OTUD7B: variants seen among roughly 807,000 people sequenced by gnomAD.
OTUD7B encodes the protein OTU domain-containing protein 7B.
OTUD7B carries 34 observed loss-of-function variants against 82.2 expected under a neutral mutation model. The ratio of observed to expected loss-of-function variants is 0.41; its 90% CI spans 0.31 to 0.55. The LOEUF is 0.55. Ranked by LOEUF, OTUD7B falls within the 20% of genes least tolerant of loss-of-function variation. The pLI, the probability that OTUD7B is intolerant of heterozygous loss-of-function variation, is 0.20. For synonymous variants in OTUD7B, 398 were observed against 402.7 expected (o/e 0.99, Z 0.14); for missense variants, 944 against 1,062.1 (o/e 0.89, Z 1.55).
chr1:149,942,620 A>G lies in OTUD7B; in HGVS notation c.*1237T>C, dbSNP rs1403885660. 3 of 152,618 alleles carry G rather than the reference A, an allele frequency of 2.0e-5. No homozygotes were observed. The highest frequency in any genetic ancestry group is 2.9e-5 in the Non-Finnish European group (2 of 68,050). 9.5% of individuals were successfully genotyped at this position (152,618 alleles called of 1,614,324 possible). A position where few individuals can be genotyped will look rare whatever the true frequency, so the allele number is the denominator to read the frequency against. On this transcript the variant is annotated 3_prime_UTR_variant, in exon 12 of 12. Transcript: ENST00000581312. ...ATAAATTGCCCCTATATGTTTCAAC[A>G]TCAGTCCTAATATCAAAAATATCTC...
At chr1:150,009,701 T>C (rs1652898843) in intron 1 of OTUD7B, among the ~76,000 whole-genome samples, 1 of 152,132 alleles carries the variant, frequency 6.6e-6, no homozygotes, top group Non-Finnish European at 1.5e-5. Flanking sequence ...AAAGAGACTC[T>C]GAGCGCTGGT....
chr1:149,992,416 C>T (rs1651632024), intron 1 of OTUD7B, among the ~76,000 whole-genome samples: 1 of 149,644 alleles, frequency 6.7e-6, no homozygotes, highest in African/African-American at 2.5e-5. Context: ...AGCTACTTAT[C>T]ATACACCATC....
chr1:149,988,537 A>G (rs1053672446), intron 1 of OTUD7B, among the ~76,000 whole-genome samples: 1 of 152,184 alleles, frequency 6.6e-6, no homozygotes, highest in Non-Finnish European at 1.5e-5. Context: ...AGGCTCCTTA[A>G]ATTACAGTTA....
chr1:149,960,768 A>G (rs1449198503), intron 6 of OTUD7B, among the ~76,000 whole-genome samples: 1 of 151,884 alleles, frequency 6.6e-6, no homozygotes, highest in African/African-American at 2.4e-5. Flanking sequence ...CTGTAAAGTC[A>G]AAATAGAACT....
the OTUD7B span, among the ~76,000 whole-genome samples, chr1:150,049,801 G>C: frequency 6.6e-6 from 1 of 151,950 alleles, no homozygotes; most frequent in Non-Finnish European, 1.5e-5. Flanking sequence ...GCTCAGGCTG[G>C]TCTTGAACTA....
chr1:150,058,690 A>G, the OTUD7B span, among the ~76,000 whole-genome samples: 2 of 152,336 alleles, frequency 1.3e-5, no homozygotes, highest in South Asian at 4.1e-4. Context: ...TTTGATCAAC[A>G]TTTCCCAAAC....
At chr1:149,985,746 G>GAA (rs141800132) in intron 1 of OTUD7B, among the ~76,000 whole-genome samples, 3,627 of 145,312 alleles carry the variant, frequency 0.025, 109 homozygotes, top group African/African-American at 0.07. Flanking sequence ...GACCCTGTAT[G>GAA]AAAAAAAAAA....
At chr1:150,060,336 G>A in the OTUD7B span, among the ~76,000 whole-genome samples, 1 of 152,106 alleles carries the variant, frequency 6.6e-6, no homozygotes, top group African/African-American at 2.4e-5. Flanking sequence ...AGGTCATTAG[G>A]GTGGGCCCTA....
intron 10 of OTUD7B, among the ~76,000 whole-genome samples, 191 bp downstream of exon 10, chr1:149,948,778 A>C (rs1393399814): frequency 3.3e-5 from 5 of 152,166 alleles, no homozygotes; most frequent in Non-Finnish European, 7.3e-5. Flanking sequence ...CATCTCTTTC[A>C]CAGGGAGAAA....
intron 6 of OTUD7B, chr1:149,963,171 C>A (rs1339929930): frequency 3.3e-5 from 5 of 149,888 alleles, no homozygotes; most frequent in Admixed American, 2.7e-4. Context: ...GTTATGACAG[C>A]AATAAAATGA....
At chr1:150,044,618 C>T in the OTUD7B span, among the ~76,000 whole-genome samples, 1 of 149,510 alleles carries the variant, frequency 6.7e-6, no homozygotes, top group Non-Finnish European at 1.5e-5. Flanking sequence ...TGCAGTGAGC[C>T]GAGATCACAC....
the OTUD7B span, among the ~76,000 whole-genome samples, chr1:150,037,197 G>A: frequency 2.1e-4 from 32 of 151,156 alleles, no homozygotes; most frequent in Non-Finnish European, 4.7e-4. Flanking sequence ...CATGCTGGCT[G>A]TCCTTGATAG....
chr1:150,037,146 T>C, the OTUD7B span, among the ~76,000 whole-genome samples: 2 of 152,184 alleles, frequency 1.3e-5, no homozygotes, highest in Non-Finnish European at 2.9e-5. Flanking sequence ...CTCAGCATTC[T>C]ATCTAATGGA....
chr1:149,983,897 G>A (rs758947522), intron 1 of OTUD7B, among the ~76,000 whole-genome samples: 39 of 152,086 alleles, frequency 2.6e-4, no homozygotes, highest in Middle Eastern at 3.2e-3. Context: ...AAGGTTGAGG[G>A]AAATGGATAG....
rs1553770166 is a variant in OTUD7B at position 149,940,344 on chromosome 1, C to T, written c.*3513G>A. ...TCTTTAAAAAATCTTTGGATATAAT[C>T]TTTTTATTTTGTTGATAAAAACCAG... On this transcript the variant is annotated 3_prime_UTR_variant, in exon 12 of 12. Transcript: ENST00000581312. The T allele has an allele frequency of 1.3e-5, 2 of 152,122 alleles. No individual in the cohort carries two copies. Among genetic ancestry groups the T allele is most frequent in the African/African-American group, 2.4e-5 (1 of 41,422 alleles). The allele number at this position is 152,122 out of a possible 1,614,324, so 9.4% of individuals were successfully genotyped here.
chr1:150,036,435 T>G, the OTUD7B span, among the ~76,000 whole-genome samples: 1 of 151,904 alleles, frequency 6.6e-6, no homozygotes, highest in Non-Finnish European at 1.5e-5. Flanking sequence ...AATTTTTGTA[T>G]TTTTGGTAGA....
At chr1:150,063,938 G>C in the OTUD7B span, among the ~76,000 whole-genome samples, 89 of 152,178 alleles carry the variant, frequency 5.8e-4, no homozygotes, top group African/African-American at 2.0e-3. Context: ...AATTATGATG[G>C]AGCAGGTCAA....
At chr1:150,058,076 T>C in the OTUD7B span, among the ~76,000 whole-genome samples, 2 of 152,200 alleles carry the variant, frequency 1.3e-5, no homozygotes, top group Admixed American at 6.5e-5. Context: ...GGGTAAAGAA[T>C]AGTATTAAAG....
At chr1:149,967,690 A>G (rs371871843) in intron 3 of OTUD7B, among the ~76,000 whole-genome samples, 169 bp from the exon 4 acceptor site, 5 of 152,192 alleles carry the variant, frequency 3.3e-5, no homozygotes, top group Admixed American at 2.0e-4. Context: ...CAATTGGAGA[A>G]ATAGAGACAG....
Sources: allele counts gnomAD v4.1 joint callset (sites outside exome capture counted in the v4.1 genomes callset), GRCh38; gene constraint gnomAD v4.1.1; transcripts MANE v1.5; gene names NCBI Gene and HGNC (gene_info 2026-07-23, HGNC 2026-07-21).